The following OPHN1 variants were observed in gnomAD, a reference collection of about 807,000 sequenced individuals.
OPHN1 encodes the protein oligophrenin 1, also known as oligophrenin-1.
In OPHN1, 11 loss-of-function variants were observed where a neutral mutation model predicts 60.7. That is an observed-to-expected ratio of 0.18 (90% confidence interval 0.11 to 0.30). OPHN1 has a LOEUF of 0.30. Ranked by LOEUF, OPHN1 falls within the 10% of genes least tolerant of loss-of-function variation. OPHN1 has a pLI of 1.00. For synonymous variants in OPHN1, 226 were observed against 222.6 expected, an observed-to-expected ratio of 1.02 and a Z score of -0.14; for missense variants, 449 against 611.0, an observed-to-expected ratio of 0.73 and a Z score of 2.80.
At chrX:68,074,280 G>C (rs2076945950) in intron 19 of OPHN1, among the ~76,000 whole-genome samples, 2 of 111,872 alleles carry the variant, frequency 1.8e-5, no homozygotes, top group Non-Finnish European at 1.9e-5. Context: ...CTGTGTAAAA[G>C]GTGGACAATG....
At chrX:68,210,890 T>C (rs1379409982) in intron 8 of OPHN1, among the ~76,000 whole-genome samples, 2 of 111,404 alleles carry the variant, frequency 1.8e-5, no homozygotes, top group Non-Finnish European at 3.8e-5. Context: ...TACAGATAAG[T>C]TTTTAGTACC....
At chrX:68,382,823 A>G (rs1039365193) in intron 2 of OPHN1, among the ~76,000 whole-genome samples, 2 of 111,811 alleles carry the variant, frequency 1.8e-5, no homozygotes, top group African/African-American at 6.5e-5. Flanking sequence ...AAAAGAATAG[A>G]TCTTGTATCT....
In OPHN1 at chrX:68,073,033, G is replaced by T. The variant is rs1016829297; in HGVS notation, c.1834+119C>A. 3 of 842,260 alleles carry T rather than the reference G, an allele frequency of 3.6e-6. No homozygotes were observed. The African/African-American group carries it at 6.1e-5, about 17-fold the overall frequency. 69.4% of individuals were successfully genotyped at this position (842,260 alleles called of 1,213,427 possible). A position where few individuals can be genotyped will look rare whatever the true frequency, so the allele number is the denominator to read the frequency against. ...AAACCCTGGCTGCTTTTAAGCTCAG[G>T]AGCCAGGAAAGGTCTACTTTTATAG... On this transcript the variant is annotated intron_variant, in intron 20 of 24. Coordinates refer to ENST00000355520, the MANE Select transcript of OPHN1 (RefSeq NM_002547.3).
intron 2 of OPHN1, among the ~76,000 whole-genome samples, chrX:68,304,695 G>C (rs141382881): frequency 0.021 from 2,358 of 110,822 alleles, 35 homozygotes; most frequent in Non-Finnish European, 0.034. Flanking sequence ...TGACCTTTTT[G>C]GTATATTAAG....
At chrX:68,321,922 G>GA (rs1347095049) in intron 2 of OPHN1, among the ~76,000 whole-genome samples, 21 of 103,139 alleles carry the variant, frequency 2.0e-4, no homozygotes, top group Admixed American at 6.3e-4. Context: ...TCAAAATAAA[G>GA]AAAAAAAAAA....
chrX:68,404,830 A>ATG, intron 2 of OPHN1, among the ~76,000 whole-genome samples: 1 of 112,004 alleles, frequency 8.9e-6, no homozygotes, highest in East Asian at 2.8e-4. Flanking sequence ...CAAAAGACAA[A>ATG]TACTGTATGA....
intron 2 of OPHN1, among the ~76,000 whole-genome samples, chrX:68,364,987 A>G (rs1343930724): frequency 8.9e-6 from 1 of 111,851 alleles, no homozygotes; most frequent in Non-Finnish European, 1.9e-5. Flanking sequence ...AACAGTATCT[A>G]CTTTACAGGG....
intron 2 of OPHN1, among the ~76,000 whole-genome samples, chrX:68,380,583 C>T (rs1034983887): frequency 9.0e-6 from 1 of 111,303 alleles, no homozygotes; most frequent in Non-Finnish European, 1.9e-5. Context: ...ATAAATTTCC[C>T]TCTACACACT....
At chrX:68,416,154 C>A (rs2147782151) in intron 2 of OPHN1, among the ~76,000 whole-genome samples, 1 of 103,196 alleles carries the variant, frequency 9.7e-6, no homozygotes, top group East Asian at 3.0e-4. Context: ...GCCATCCTCC[C>A]ACCTCAGCCT....
At chrX:68,177,647 A>G (rs970274857) in intron 15 of OPHN1, among the ~76,000 whole-genome samples, 1 of 111,371 alleles carries the variant, frequency 9.0e-6, no homozygotes, top group Non-Finnish European at 1.9e-5. Flanking sequence ...ATCATGGTAG[A>G]AGATGAAGGG....
At chrX:68,307,090 T>A (rs912510058) in intron 2 of OPHN1, among the ~76,000 whole-genome samples, 7 of 110,926 alleles carry the variant, frequency 6.3e-5, no homozygotes, top group Admixed American at 4.8e-4. Context: ...ATTAAATAAA[T>A]GTTGCAAAAA....
intron 5 of OPHN1, among the ~76,000 whole-genome samples, chrX:68,242,748 G>A (rs2077787703): frequency 9.0e-6 from 1 of 111,712 alleles, no homozygotes; most frequent in African/African-American, 3.2e-5. Context: ...AAAAATGAAG[G>A]AACTTCTGAT....
chrX:68,068,470 CAA>C (rs61188762), intron 20 of OPHN1, among the ~76,000 whole-genome samples: 28 of 39,789 alleles, frequency 7.0e-4, no homozygotes, highest in African/African-American at 3.0e-3. Flanking sequence ...GACTCCATCT[CAA>C]AAAAAAAAAA....
At chrX:68,268,866 T>G (rs1363558825) in intron 5 of OPHN1, among the ~76,000 whole-genome samples, 2 of 111,926 alleles carry the variant, frequency 1.8e-5, no homozygotes, top group Non-Finnish European at 3.8e-5. Context: ...CAAAATCTCC[T>G]TTAGCTGATA....
chrX:68,249,014 A>T (rs1312571231), intron 5 of OPHN1, among the ~76,000 whole-genome samples: 1 of 111,874 alleles, frequency 8.9e-6, no homozygotes, highest in African/African-American at 3.2e-5. Context: ...GAACGAATGA[A>T]TAAGACCTAC....
At chrX:68,121,029 TA>T (rs2077148340) in intron 15 of OPHN1, among the ~76,000 whole-genome samples, 1 of 111,989 alleles carries the variant, frequency 8.9e-6, no homozygotes, top group East Asian at 2.8e-4. Flanking sequence ...CCAGAAACCA[TA>T]AAACTACTAG....
At chrX:68,195,000 A>G (rs5012332) in intron 12 of OPHN1, among the ~76,000 whole-genome samples, 1,373 of 78,700 alleles carry the variant, frequency 0.017, 68 homozygotes, top group African/African-American at 0.081. Flanking sequence ...GAGAGAGAGA[A>G]AGAAAGGAAG....
intron 5 of OPHN1, among the ~76,000 whole-genome samples, chrX:68,266,747 G>A (rs1400196184): frequency 9.0e-6 from 1 of 111,356 alleles, no homozygotes; most frequent in Admixed American, 9.6e-5. Context: ...TGGATAAAGA[G>A]TCAAGACCCA....
intron 12 of OPHN1, among the ~76,000 whole-genome samples, chrX:68,195,022 GGA>G (rs1379906195): frequency 4.4e-4 from 40 of 90,657 alleles, no homozygotes; most frequent in African/African-American, 1.7e-3. Flanking sequence ...AAGGAAGGAA[GGA>G]AGGAAGGAAG....
Sources: gnomAD v4.1 joint callset for allele counts (sites outside exome capture counted in the v4.1 genomes callset) on GRCh38, gnomAD v4.1.1 for gene constraint, MANE v1.5 for transcripts, NCBI Gene and HGNC (gene_info 2026-07-23, HGNC 2026-07-21) for gene names.